The following GREB1 variants were observed in gnomAD, a reference collection of about 807,000 sequenced individuals.
The protein encoded by GREB1 is growth regulating estrogen receptor binding 1.
In GREB1, 106 loss-of-function variants were observed where a neutral mutation model predicts 200.7. The ratio of observed to expected loss-of-function variants is 0.53; its 90% CI spans 0.45 to 0.62. The LOEUF (loss-of-function observed/expected upper bound fraction) is 0.62, where lower values mean the gene tolerates loss of function less well. Ranked by LOEUF, GREB1 falls within the 20% of genes least tolerant of loss-of-function variation. The pLI, the probability that GREB1 is intolerant of heterozygous loss-of-function variation, is 0.00. For synonymous variants in GREB1, 1,132 were observed against 1,092.4 expected (o/e 1.04, Z -0.72); for missense variants, 2,243 against 2,556.8 (o/e 0.88, Z 2.65).
chr2:11,539,328 G>A (rs943889110), intron 1 of GREB1, among the ~76,000 whole-genome samples: 1 of 152,170 alleles, frequency 6.6e-6, no homozygotes, highest in Non-Finnish European at 1.5e-5. Flanking sequence ...TGGGATTACA[G>A]GTGTGAACCA....
chr2:11,602,456 T>C lies in GREB1; in HGVS notation c.2580T>C (p.Phe860=). Residue 860 remains phenylalanine, a synonymous_variant, in exon 17 of 33, where the codon TTT becomes TTC. Coordinates refer to ENST00000381486, the MANE Select transcript of GREB1 (RefSeq NM_014668.4). The part of the protein sequence containing the change: ...ENKKYFGLSE[F]IESTLSGHSL... ...AGAAGTACTTCGGGCTGTCGGAGTTTATTGAATCCACCCTTTCAGGACACA... is the reference window on the plus strand; with the variant it reads ...AGAAGTACTTCGGGCTGTCGGAGTTCATTGAATCCACCCTTTCAGGACACA... The C allele has an allele frequency of 6.2e-7, 1 of 1,613,112 alleles. No individual in the cohort carries two copies. The highest frequency in any genetic ancestry group is 1.3e-5 in the African/African-American group (1 of 75,022).
intron 21 of GREB1, among the ~76,000 whole-genome samples, chr2:11,617,311 G>C (rs1232984850): frequency 6.6e-6 from 1 of 152,178 alleles, no homozygotes; most frequent in Non-Finnish European, 1.5e-5. Context: ...CAGAGGCCCC[G>C]GGCAAGTCAG....
chr2:11,613,129 A>T (rs1026100146), intron 19 of GREB1, among the ~76,000 whole-genome samples: 1 of 152,090 alleles, frequency 6.6e-6, no homozygotes, highest in Non-Finnish European at 1.5e-5. Context: ...GTCTCAAAAG[A>T]TGTGTCCCTC....
Position 11,631,843 on chromosome 2 carries a change from C to G in GREB1, c.4612-66C>G, listed in dbSNP as rs1424530603. 3.4e-6 allele frequency: 4 copies of G among 1,189,590 alleles called. No individual in the cohort carries two copies. In the East Asian group the frequency reaches 7.0e-5, roughly 21 times the overall value. 73.7% of individuals were successfully genotyped at this position (1,189,590 alleles called of 1,614,324 possible). On this transcript the variant is annotated intron_variant, in intron 26 of 32. Coordinates refer to ENST00000381486, the MANE Select transcript of GREB1 (RefSeq NM_014668.4). Reference sequence around the variant, plus strand: ...TTTGACGGAAAATACTGCAAAGTCACATGTCAAGGGAATAATTGCAGCCAC... The same window carrying G: ...TTTGACGGAAAATACTGCAAAGTCAGATGTCAAGGGAATAATTGCAGCCAC...
intron 24 of GREB1, among the ~76,000 whole-genome samples, chr2:11,626,674 T>C (rs1012155830): frequency 4.6e-5 from 7 of 152,354 alleles, no homozygotes; most frequent in East Asian, 3.9e-4. Context: ...TTTAAATTGT[T>C]GTATAGCGGA....
chr2:11,504,466 G>C (rs1673126352), intron 1 of GREB1, among the ~76,000 whole-genome samples: 1 of 152,118 alleles, frequency 6.6e-6, no homozygotes, highest in Non-Finnish European at 1.5e-5. Context: ...ACAAAGTTAT[G>C]CCACCACCTC....
At chr2:11,591,684 C>T (rs1680746938) in intron 10 of GREB1, 1 of 491,388 alleles carries the variant, frequency 2.0e-6, no homozygotes, top group African/African-American at 2.0e-5. Context: ...GTAAATCCAC[C>T]TTTGAGAATT....
At chr2:11,520,808 T>C (rs140053280) in intron 1 of GREB1, among the ~76,000 whole-genome samples, 2 of 152,322 alleles carry the variant, frequency 1.3e-5, no homozygotes, top group East Asian at 3.9e-4. Flanking sequence ...AGGTCACATA[T>C]TGACAGGTGC....
At chr2:11,587,992 G>C in intron 9 of GREB1, 1 of 927,474 alleles carries the variant, frequency 1.1e-6, no homozygotes. Context: ...TTGAGAGGCC[G>C]AGGCGGGTAG....
Position 11,597,794 on chromosome 2 carries a change from G to A in GREB1, c.1968G>A (p.Glu656=). 1 of 1,614,118 alleles carries A rather than the reference G, an allele frequency of 6.2e-7. No homozygotes were observed. The highest frequency in any genetic ancestry group is 8.5e-7 in the Non-Finnish European group (1 of 1,179,978). ...GTPVCTSYNL[E]PHSIRPFQLA... is the part of the protein sequence containing the mutation. ...CTCTGGTTCCAGGTTACAATCTGGA[G>A]CCACACAGCATCCGGCCCTTCCAGC... The change falls in exon 14 of 33, where the codon GAG becomes GAA. Residue 656 remains glutamate (E), a synonymous_variant. Coordinates refer to ENST00000381486, the MANE Select transcript of GREB1 (RefSeq NM_014668.4). This position sits in a 1 kb window ranked among gnomAD's most constrained non-coding sequence, Gnocchi z 4.1.
intron 1 of GREB1, among the ~76,000 whole-genome samples, chr2:11,516,841 T>C (rs1325858610): frequency 1.3e-5 from 2 of 152,228 alleles, no homozygotes; most frequent in Non-Finnish European, 2.9e-5. Context: ...GGATTCATTC[T>C]ACCTAGTGGA....
chr2:11,518,853 C>T (rs150327099), intron 1 of GREB1, among the ~76,000 whole-genome samples: 1 of 150,862 alleles, frequency 6.6e-6, no homozygotes, highest in African/African-American at 2.5e-5. Context: ...AATCCCAGCA[C>T]TTTGGGAGGC....
chr2:11,587,420 C>T, intron 9 of GREB1: 8 of 1,613,966 alleles, frequency 5.0e-6, no homozygotes, highest in African/African-American at 1.3e-5. Flanking sequence ...AGCCCTTGGT[C>T]CGGCAGAACC....
Position 11,617,174 on chromosome 2 carries a change from G to A in GREB1, c.3412+454G>A, listed in dbSNP as rs577600522. ...CAACACAAGCTCATGAGCCTTCCGC[G>A]TAGCCACAGCCACAGCGGGTGGGCA... On this transcript the variant is annotated intron_variant, in intron 21 of 32. Transcript: ENST00000381486. 5.9e-5 allele frequency among the ~76,000 whole-genome samples: 9 copies of A among 152,348 alleles called. No individual in the cohort carries two copies. In the South Asian group the frequency reaches 1.7e-3, roughly 28 times the overall value.
At chr2:11,521,116 C>CTT in intron 1 of GREB1, among the ~76,000 whole-genome samples, 1 of 151,314 alleles carries the variant, frequency 6.6e-6, no homozygotes, top group African/African-American at 2.4e-5. Flanking sequence ...TCTTCTTTGT[C>CTT]TTTTTTTTTG....
At chr2:11,625,350 C>T in intron 24 of GREB1, 38 bp downstream of exon 24, 1 of 1,594,122 alleles carries the variant, frequency 6.3e-7, no homozygotes, top group Non-Finnish European at 8.6e-7. Context: ...TTCCAGAGTG[C>T]ATGGGCACAG....
At chr2:11,605,628 C>T (rs747454107) in intron 17 of GREB1, among the ~76,000 whole-genome samples, 3 of 152,190 alleles carry the variant, frequency 2.0e-5, no homozygotes, top group Admixed American at 6.5e-5. Context: ...TTCCTTCCTC[C>T]TGTCCTTTTC....
chr2:11,598,957 A>T, intron 15 of GREB1, 97 bp downstream of exon 15: 1 of 1,021,744 alleles, frequency 9.8e-7, no homozygotes, highest in Non-Finnish European at 1.5e-6. Context: ...TCCTGAAAAG[A>T]TGGATGATGT....
intron 11 of GREB1, among the ~76,000 whole-genome samples, chr2:11,593,684 G>C (rs1680951385): frequency 6.6e-6 from 1 of 152,100 alleles, no homozygotes; most frequent in Non-Finnish European, 1.5e-5. Flanking sequence ...ACCCAGGCTG[G>C]TCTCAAACTC....
Sources: gnomAD v4.1 joint callset for allele counts (sites outside exome capture counted in the v4.1 genomes callset) on GRCh38, gnomAD v4.1.1 for gene constraint, Gnocchi (gnomAD v3.1) non-coding constraint, MANE v1.5 for transcripts, NCBI Gene and HGNC (gene_info 2026-07-23, HGNC 2026-07-21) for gene names.